Variants in PKD2L1 observed in about 807,000 individuals in gnomAD.
The protein encoded by PKD2L1 is polycystin-2-like protein 1.
PKD2L1 carries 77 observed loss-of-function variants against 93.0 expected under a neutral mutation model. That is an observed-to-expected ratio of 0.83 (90% CI 0.69 to 1.00). PKD2L1 has a LOEUF of 1.00. Ranked by LOEUF, PKD2L1 falls within the 50% of genes least tolerant of loss-of-function variation. PKD2L1 has a pLI of 0.00. For synonymous variants in PKD2L1, 390 were observed against 388.0 expected (o/e 1.01, Z -0.06); for missense variants, 977 against 990.9 (o/e 0.99, Z 0.19).
At chr10:100,298,926 T>TA in intron 3 of PKD2L1, 111 bp from the exon 4 acceptor site, 2 of 860,986 alleles carry the variant, frequency 2.3e-6, no homozygotes, top group Non-Finnish European at 3.3e-6. Flanking sequence ...GTCTGCTTTT[T>TA]AAAAAATTAT....
intron 8 of PKD2L1, 87 bp downstream of exon 8, chr10:100,294,855 C>A: frequency 7.4e-7 from 1 of 1,350,470 alleles, no homozygotes; most frequent in Non-Finnish European, 1.0e-6. Flanking sequence ...TGCAGACACG[C>A]ACGTACCCAT....
At chr10:100,321,087 G>A (rs1427302869) in intron 2 of PKD2L1, among the ~76,000 whole-genome samples, 3 of 152,178 alleles carry the variant, frequency 2.0e-5, no homozygotes, top group African/African-American at 7.2e-5. Context: ...GGTGGCTCAC[G>A]CCTGTAATTC....
Position 100,290,149 on chromosome 10 carries a change from T to C in PKD2L1, c.2127-11A>G. The C allele has an allele frequency of 6.2e-7, 1 of 1,613,950 alleles. No homozygotes were observed. The highest frequency in any genetic ancestry group is 8.5e-7 in the Non-Finnish European group (1 of 1,179,982). The stretch of plus-strand genomic sequence containing the variant: ...ACTCTCCTTGTGAGCCTGTGTGGGA[T>C]TTGAGAGAGACGAATGGAGCAGAAA... On this transcript the variant is annotated splice_polypyrimidine_tract_variant and intron_variant, in intron 13 of 15. Coordinates refer to ENST00000318222, the MANE Select transcript of PKD2L1 (RefSeq NM_016112.3).
In PKD2L1 at chr10:100,290,518, A is replaced by G. The variant is rs1305113700; in HGVS notation, c.2009T>C (p.Val670Ala). 3 of 1,604,416 alleles carry G rather than the reference A, an allele frequency of 1.9e-6. No individual in the cohort carries two copies. Among genetic ancestry groups the G allele is most frequent in the Non-Finnish European group, 2.6e-6 (3 of 1,172,726 alleles). ...KMRQDLEEERVALNTEIEKLG... is the reference protein window; with the variant it reads ...KMRQDLEEERAALNTEIEKLG... The stretch of plus-strand genomic sequence containing the variant: ...TTTCTCAATCTCAGTGTTGAGGGCC[A>G]CCTGCTCAGGAAGTCAGAGGTTAGA... Residue 670 changes from valine (V) to alanine (A), a missense_variant and splice_region_variant, in exon 13 of 16, where the codon GTG becomes GCG. Physicochemically the swap from Val to Ala is moderately conservative, Grantham distance 64 (BLOSUM62 0). Coordinates refer to ENST00000318222, the MANE Select transcript of PKD2L1 (RefSeq NM_016112.3).
intron 11 of PKD2L1, among the ~76,000 whole-genome samples, chr10:100,292,303 C>T (rs1848421339): frequency 6.6e-6 from 1 of 151,958 alleles, no homozygotes; most frequent in Non-Finnish European, 1.5e-5. Flanking sequence ...ACCAGCCTGG[C>T]CAACATGGCA....
Position 100,310,418 on chromosome 10 carries a change from T to C in PKD2L1, c.350-10700A>G, listed in dbSNP as rs73341820. On this transcript the variant is annotated intron_variant, in intron 2 of 15. Transcript: ENST00000318222. ...CAAAACCTACATTAATTAAAATACA[T>C]TCTTATCCAATATTAAAAGGGGCTT... Among the ~76,000 whole-genome samples the C allele has an allele frequency of 4.1e-3, 621 of 152,252 alleles. 5 individuals are homozygous for C. Among genetic ancestry groups the C allele is most frequent in the African/African-American group, 0.014 (597 of 41,554 alleles).
At chr10:100,294,421 C>G in intron 9 of PKD2L1, 114 bp downstream of exon 9, 1 of 1,127,062 alleles carries the variant, frequency 8.9e-7, no homozygotes, top group South Asian at 1.3e-5. Flanking sequence ...GGCCCCCCCA[C>G]TCACTCTCCA....
chr10:100,314,762 C>G (rs1056606650), intron 2 of PKD2L1, among the ~76,000 whole-genome samples: 4 of 151,588 alleles, frequency 2.6e-5, no homozygotes, highest in Non-Finnish European at 5.9e-5. Flanking sequence ...GGGCCGGGTG[C>G]GCTGGCTAGC....
intron 2 of PKD2L1, among the ~76,000 whole-genome samples, chr10:100,322,986 T>C (rs1479081116): frequency 6.6e-6 from 1 of 152,200 alleles, no homozygotes; most frequent in African/African-American, 2.4e-5. Flanking sequence ...ATAGAGTCAT[T>C]GGAAGTAGTC....
chr10:100,315,649 C>T (rs535194904), intron 2 of PKD2L1, among the ~76,000 whole-genome samples: 3 of 152,216 alleles, frequency 2.0e-5, no homozygotes, highest in Admixed American at 6.5e-5. Context: ...AATATATTAC[C>T]AGTCTGATTT....
chr10:100,329,057 G>A (rs925599658), intron 2 of PKD2L1, among the ~76,000 whole-genome samples, 154 bp downstream of exon 2: 1 of 152,180 alleles, frequency 6.6e-6, no homozygotes, highest in African/African-American at 2.4e-5. Context: ...AAATAGATGG[G>A]ATTGGAATAT....
intron 14 of PKD2L1, 152 bp from the exon 15 acceptor site, chr10:100,289,208 T>C (rs1339670294): frequency 1.7e-6 from 1 of 584,816 alleles, no homozygotes; most frequent in East Asian, 2.9e-5. Context: ...CCCAATGTGA[T>C]AGTATTAGGA....
chr10:100,330,122 G>T lies in PKD2L1; in HGVS notation c.-19C>A. 1.4e-6 allele frequency: 2 copies of T among 1,468,298 alleles called. No individual in the cohort carries two copies. Among genetic ancestry groups the T allele is most frequent in the Non-Finnish European group, 1.9e-6 (2 of 1,075,032 alleles). The allele number at this position is 1,468,298 out of a possible 1,614,324, so 91.0% of individuals were successfully genotyped here. A position where few individuals can be genotyped will look rare whatever the true frequency, so the allele number is the denominator to read the frequency against. On this transcript the variant is annotated 5_prime_UTR_variant, in exon 1 of 16. Transcript: ENST00000318222. ...CATTCATGGGGAATGAGGTGGGGGG[G>T]CCCGGTACCCCAGGTGCCCACTCTC...
intron 4 of PKD2L1, among the ~76,000 whole-genome samples, 178 bp from the exon 5 acceptor site, chr10:100,297,784 A>G (rs1848586059): frequency 6.6e-6 from 1 of 150,528 alleles, no homozygotes; most frequent in African/African-American, 2.5e-5. Context: ...TGTATCATTT[A>G]TTATTCTGTT....
intron 2 of PKD2L1, among the ~76,000 whole-genome samples, chr10:100,320,449 G>C (rs1014063991): frequency 1.3e-5 from 2 of 152,168 alleles, no homozygotes; most frequent in African/African-American, 4.8e-5. Flanking sequence ...CTTGTCCCCT[G>C]CCAAATTGCT....
chr10:100,324,840 C>T (rs1299347454), intron 2 of PKD2L1, among the ~76,000 whole-genome samples: 1 of 152,160 alleles, frequency 6.6e-6, no homozygotes, highest in Non-Finnish European at 1.5e-5. Flanking sequence ...GGTCCTGGAG[C>T]ATTTGAACCC....
intron 2 of PKD2L1, among the ~76,000 whole-genome samples, chr10:100,324,837 G>C (rs922843948): frequency 6.6e-6 from 1 of 152,114 alleles, no homozygotes; most frequent in Non-Finnish European, 1.5e-5. Context: ...ACAGGTCCTG[G>C]AGCATTTGAA....
intron 2 of PKD2L1, among the ~76,000 whole-genome samples, chr10:100,305,815 T>C (rs11190469): frequency 0.41 from 61,583 of 151,858 alleles, 12,609 homozygotes; most frequent in East Asian, 0.52. Context: ...TCATGTGTCT[T>C]TCTCCCCTTT....
rs1212938071 is a variant in PKD2L1 at position 100,296,300 on chromosome 10, A to T, written c.1186-8T>A. ...CACAGCCACAATGGAGAGCTGTCAC[A>T]CAGGGGTCATGGGGGTGTCAGAGAA... On this transcript the variant is annotated splice_region_variant and splice_polypyrimidine_tract_variant and intron_variant, in intron 6 of 15. Coordinates refer to ENST00000318222, the MANE Select transcript of PKD2L1 (RefSeq NM_016112.3). 1 of 1,582,764 alleles carries T rather than the reference A, an allele frequency of 6.3e-7. No homozygotes were observed. The highest frequency in any genetic ancestry group is 1.4e-5 in the African/African-American group (1 of 72,750).
Sources: allele counts gnomAD v4.1 joint callset (sites outside exome capture counted in the v4.1 genomes callset), GRCh38; gene constraint gnomAD v4.1.1; transcripts MANE v1.5; gene names NCBI Gene and HGNC (gene_info 2026-07-23, HGNC 2026-07-21).